The following ERBB4 variants were observed in gnomAD, a reference collection of about 807,000 sequenced individuals.
ERBB4 encodes the protein receptor tyrosine-protein kinase erbB-4.
A neutral mutation model predicts 158.0 loss-of-function variants in ERBB4; 42 were observed. That is an observed-to-expected ratio of 0.27 (90% CI 0.21 to 0.34). The LOEUF (loss-of-function observed/expected upper bound fraction) is 0.34, where lower values mean the gene tolerates loss of function less well. Among genes scored for constraint, ERBB4 ranks in the 10% least tolerant of loss-of-function variants. The pLI, the probability that ERBB4 is intolerant of heterozygous loss-of-function variation, is 1.00. For missense variants in ERBB4, 1,333 were observed against 1,624.1 expected, an observed-to-expected ratio of 0.82 and a Z score of 3.08; for synonymous variants, 583 against 558.7, an observed-to-expected ratio of 1.04 and a Z score of -0.61.
At chr2:212,126,224 G>C (rs1025546402) in intron 1 of ERBB4, among the ~76,000 whole-genome samples, 5 of 152,144 alleles carry the variant, frequency 3.3e-5, no homozygotes, top group Admixed American at 2.0e-4. Flanking sequence ...AGCACTTTGG[G>C]AGGCCGACGC....
chr2:212,488,998 C>T (rs1690126456), intron 1 of ERBB4, among the ~76,000 whole-genome samples: 1 of 148,424 alleles, frequency 6.7e-6, no homozygotes, highest in Non-Finnish European at 1.5e-5. Flanking sequence ...TTTAGGATAC[C>T]CCCCAAAGAA....
At chr2:212,388,299 A>T (rs577364201) in intron 1 of ERBB4, among the ~76,000 whole-genome samples, 1 of 152,170 alleles carries the variant, frequency 6.6e-6, no homozygotes, top group Non-Finnish European at 1.5e-5. Context: ...TAAAATGGAT[A>T]TCAGAAAAGA....
intron 1 of ERBB4, among the ~76,000 whole-genome samples, chr2:212,171,393 T>C (rs2081514433): frequency 6.6e-6 from 1 of 151,984 alleles, no homozygotes; most frequent in South Asian, 2.1e-4. Flanking sequence ...AACTTTGGAC[T>C]TGGACTTTTG....
At chr2:211,862,933 G>A (rs1196946392) in intron 3 of ERBB4, among the ~76,000 whole-genome samples, 1 of 152,052 alleles carries the variant, frequency 6.6e-6, no homozygotes, top group Non-Finnish European at 1.5e-5. Context: ...GATTGTAAAT[G>A]CACCAATCAG....
chr2:211,465,039 T>C (rs1398392442), intron 20 of ERBB4, among the ~76,000 whole-genome samples: 2 of 150,872 alleles, frequency 1.3e-5, no homozygotes, highest in African/African-American at 2.4e-5. Context: ...TGGAGTGCTG[T>C]GACATGATGA....
At position 211,717,842 on chromosome 2, in the gene ERBB4, T is replaced by C. The variant is rs1199378739; in HGVS notation, c.884-4194A>G. ...ACTCTGTCTCCAAAAAAATAAAAAATCTACCCCCCTCATCCTTATATCCTA... is the reference window on the plus strand; with the variant it reads ...ACTCTGTCTCCAAAAAAATAAAAAACCTACCCCCCTCATCCTTATATCCTA... On this transcript the variant is annotated intron_variant, in intron 7 of 27. Transcript: ENST00000342788. 2.6e-5 allele frequency among the ~76,000 whole-genome samples: 4 copies of C among 152,078 alleles called. No individual in the cohort carries two copies. The East Asian group carries it at 7.8e-4, about 30-fold the overall frequency.
intron 3 of ERBB4, among the ~76,000 whole-genome samples, chr2:211,849,451 T>A (rs957765800): frequency 6.6e-6 from 1 of 151,982 alleles, no homozygotes; most frequent in Admixed American, 6.6e-5. Context: ...TAGTACCCAA[T>A]TATTATAGTA....
intron 20 of ERBB4, among the ~76,000 whole-genome samples, chr2:211,515,991 T>C (rs1311926885): frequency 6.9e-6 from 1 of 145,606 alleles, no homozygotes; most frequent in Non-Finnish European, 1.5e-5. Flanking sequence ...CTCGACTCAC[T>C]GCAAGCTCTG....
intron 1 of ERBB4, among the ~76,000 whole-genome samples, chr2:212,156,849 C>G (rs1228041037): frequency 6.6e-6 from 1 of 152,054 alleles, no homozygotes; most frequent in Non-Finnish European, 1.5e-5. Flanking sequence ...GCTTCTATCT[C>G]CCTAATATCC....
intron 12 of ERBB4, among the ~76,000 whole-genome samples, chr2:211,688,065 C>T (rs1325495617): frequency 1.3e-5 from 2 of 152,156 alleles, no homozygotes; most frequent in African/African-American, 4.8e-5. Flanking sequence ...ATCTTACTTT[C>T]CCATGTTATT....
intron 1 of ERBB4, among the ~76,000 whole-genome samples, chr2:212,165,844 A>G (rs909382002): frequency 6.6e-6 from 1 of 152,108 alleles, no homozygotes; most frequent in South Asian, 2.1e-4. Context: ...AACAGAACAC[A>G]ATGCCAACTG....
At chr2:212,536,053 T>C (rs1452154536) in intron 1 of ERBB4, among the ~76,000 whole-genome samples, 3 of 152,210 alleles carry the variant, frequency 2.0e-5, no homozygotes, top group Non-Finnish European at 2.9e-5. Context: ...ACTCAACATC[T>C]TGTCGCCCTC....
At chr2:211,890,428 C>G (rs2078932287) in intron 3 of ERBB4, among the ~76,000 whole-genome samples, 1 of 150,456 alleles carries the variant, frequency 6.6e-6, no homozygotes, top group African/African-American at 2.5e-5. Context: ...AAAGGAACAA[C>G]TGGTACCAGC....
At chr2:211,404,961 G>A (rs1290087245) in intron 25 of ERBB4, among the ~76,000 whole-genome samples, 2 of 152,106 alleles carry the variant, frequency 1.3e-5, no homozygotes, top group Non-Finnish European at 2.9e-5. Context: ...AGGAAGTGGT[G>A]AGAATTAATA....
chr2:212,311,077 T>G (rs1000481873), intron 1 of ERBB4, among the ~76,000 whole-genome samples: 3 of 150,802 alleles, frequency 2.0e-5, no homozygotes, highest in Non-Finnish European at 3.0e-5. Flanking sequence ...ACAAACTTCC[T>G]TGAGACTAGG....
At chr2:212,220,856 T>A (rs2083268716) in intron 1 of ERBB4, among the ~76,000 whole-genome samples, 1 of 151,516 alleles carries the variant, frequency 6.6e-6, no homozygotes, top group Non-Finnish European at 1.5e-5. Flanking sequence ...TGAATTAATA[T>A]CTTACTTCTC....
chr2:211,425,953 G>A (rs1265952593), intron 22 of ERBB4, among the ~76,000 whole-genome samples: 1 of 152,062 alleles, frequency 6.6e-6, no homozygotes, highest in African/African-American at 2.4e-5. Flanking sequence ...CTAAATGCTA[G>A]GATTACAAGC....
At chr2:211,624,528 T>C (rs931231684) in intron 17 of ERBB4, among the ~76,000 whole-genome samples, 8 of 152,192 alleles carry the variant, frequency 5.3e-5, no homozygotes, top group Non-Finnish European at 8.8e-5. Context: ...GGAGTAGGCC[T>C]GAAATGTTTG....
intron 2 of ERBB4, among the ~76,000 whole-genome samples, chr2:212,013,560 T>C (rs1037217923): frequency 1.3e-5 from 2 of 152,172 alleles, no homozygotes; most frequent in South Asian, 4.1e-4. Flanking sequence ...TACAGAGGGT[T>C]AGGGTAAGTC....
Sources: allele counts gnomAD v4.1 joint callset (sites outside exome capture counted in the v4.1 genomes callset), GRCh38; gene constraint gnomAD v4.1.1; transcripts MANE v1.5; gene names NCBI Gene and HGNC (gene_info 2026-07-23, HGNC 2026-07-21).